Variants in FZR1 observed in about 807,000 individuals in gnomAD.
The protein encoded by FZR1 is fizzy-related protein homolog.
A neutral mutation model predicts 63.6 loss-of-function variants in FZR1; 11 were observed. The ratio of observed to expected loss-of-function variants is 0.17; its 90% CI spans 0.11 to 0.29. The LOEUF is 0.29. Ranked by LOEUF, FZR1 falls within the 10% of genes least tolerant of loss-of-function variation. FZR1 has a pLI of 1.00. For missense variants in FZR1, 440 were observed against 687.5 expected, an observed-to-expected ratio of 0.64 and a Z score of 4.03; for synonymous variants, 328 against 297.9, an observed-to-expected ratio of 1.10 and a Z score of -1.04.
At chr19:3,517,056 ACCG>A (rs2083063563) in intron 1 of FZR1, among the ~76,000 whole-genome samples, 1 of 152,222 alleles carries the variant, frequency 6.6e-6, no homozygotes, top group Non-Finnish European at 1.5e-5. Flanking sequence ...CGCGGTTACC[ACCG>A]CTGCTGCCAG....
At position 3,532,420 on chromosome 19, in the gene FZR1, C is replaced by T. The variant is rs12978340; in HGVS notation, c.1012C>T (p.Leu338=). ...CCTCACAGCCCCTGTCCCCCAGCTG[C>T]TGGTCTGGAATCACTCGAGCCTGAG... ...LASGGNDNKL[L]VWNHSSLSPV... Residue 338 remains leucine, a synonymous_variant, in exon 11 of 14, where the codon CTG becomes TTG. Transcript: ENST00000441788. The T allele has an allele frequency of 6.3e-7, 1 of 1,590,942 alleles. No homozygotes were observed. Among genetic ancestry groups the T allele is most frequent in the Non-Finnish European group, 8.6e-7 (1 of 1,167,484 alleles).
At position 3,526,463 on chromosome 19, in the gene FZR1, C is replaced by G; in HGVS notation, c.387+77C>G. The G allele has an allele frequency of 8.2e-7, 1 of 1,218,188 alleles. No homozygotes were observed. Among genetic ancestry groups the G allele is most frequent in the African/African-American group, 1.5e-5 (1 of 67,030 alleles). The allele number at this position is 1,218,188 out of a possible 1,614,324, so 75.5% of individuals were successfully genotyped here. On this transcript the variant is annotated intron_variant, in intron 5 of 13. Coordinates refer to ENST00000441788, the MANE Select transcript of FZR1 (RefSeq NM_016263.4). The surrounding 1 kb of genome is among the most constrained non-coding windows in gnomAD (Gnocchi z 5.4). ...CGGCCCCCCACCTCCCAGGCACCAG[C>G]TCTGCCTCCCCGAGCCCGGTTCTCG...
rs2030014507 is a variant in FZR1 at position 3,537,320 on chromosome 19, G to A, written c.*2484G>A. On this transcript the variant is annotated 3_prime_UTR_variant, in exon 14 of 14. Coordinates refer to ENST00000441788, the MANE Select transcript of FZR1 (RefSeq NM_016263.4). ...CCTCTGCTGTCAGCTCCACCCGACA[G>A]GCAGACGAAGGCCAGTGGGGCCATC... 6.6e-6 allele frequency: 1 copy of A among 152,298 alleles called. No individual in the cohort carries two copies. The highest frequency in any genetic ancestry group is 2.4e-5 in the African/African-American group (1 of 41,456). The allele number at this position is 152,298 out of a possible 1,614,324, so 9.4% of individuals were successfully genotyped here.
chr19:3,509,180 T>C (rs1486031269), intron 1 of FZR1, among the ~76,000 whole-genome samples: 3 of 152,240 alleles, frequency 2.0e-5, no homozygotes, highest in South Asian at 2.1e-4. Flanking sequence ...GGGCCACTTA[T>C]GTTCTCGTCC....
intron 1 of FZR1, among the ~76,000 whole-genome samples, chr19:3,517,654 C>G (rs570806726): frequency 6.6e-6 from 1 of 151,874 alleles, no homozygotes; most frequent in Admixed American, 6.6e-5. Flanking sequence ...CACCACTGCA[C>G]TCCAGCCTGG....
At chr19:3,518,181 A>G (rs986551349) in intron 1 of FZR1, among the ~76,000 whole-genome samples, 17 of 151,766 alleles carry the variant, frequency 1.1e-4, no homozygotes, top group Non-Finnish European at 4.4e-5. Flanking sequence ...TGCCCAGCTA[A>G]TTTTTATTTT....
rs976927428 is a variant in FZR1, at chr19:3,536,149, G to A, written c.*1313G>A. ...AACATCCTGGTGTCTGTCCCCAGTG[G>A]GGTTGGCGTGCATGTGTACATATGT... is the stretch of plus-strand genomic sequence containing the variant. On this transcript the variant is annotated 3_prime_UTR_variant, in exon 14 of 14. Transcript: ENST00000441788. 1.3e-5 allele frequency: 2 copies of A among 152,284 alleles called. No individual in the cohort carries two copies. The highest frequency in any genetic ancestry group is 4.8e-5 in the African/African-American group (2 of 41,460). The allele number at this position is 152,284 out of a possible 1,614,324, so 9.4% of individuals were successfully genotyped here.
chr19:3,507,094 T>C (rs868062479), intron 1 of FZR1, among the ~76,000 whole-genome samples: 3 of 152,006 alleles, frequency 2.0e-5, no homozygotes, highest in South Asian at 2.1e-4. Flanking sequence ...CAGGCACGGG[T>C]TGAGTGCATG....
rs1324953591 is a variant in FZR1 at position 3,514,368 on chromosome 19, T to C, written c.-35+7894T>C. ...GAGCAGGGTCTCTGCCCTTGCACCC[T>C]GTGGACATTGGGGCCGGATCGTTCT... On this transcript the variant is annotated intron_variant, in intron 1 of 13. Transcript: ENST00000441788. This position sits in a 1 kb window ranked among gnomAD's most constrained non-coding sequence, Gnocchi z 4.2. 1.3e-5 allele frequency among the ~76,000 whole-genome samples: 2 copies of C among 152,180 alleles called. No homozygotes were observed. The highest frequency in any genetic ancestry group is 4.8e-5 in the African/African-American group (2 of 41,460).
chr19:3,531,260 C>T (rs1419969403), intron 8 of FZR1, among the ~76,000 whole-genome samples: 1 of 152,196 alleles, frequency 6.6e-6, no homozygotes, highest in East Asian at 1.9e-4. Context: ...TCACCCAGAG[C>T]TGCCCAGGGC....
rs1396568564 is a variant in FZR1, at chr19:3,537,182, G to C, written c.*2346G>C. The C allele has an allele frequency of 6.6e-6, 1 of 152,482 alleles. No homozygotes were observed. The highest frequency in any genetic ancestry group is 1.9e-4 in the East Asian group (1 of 5,208). 9.4% of individuals were successfully genotyped at this position (152,482 alleles called of 1,614,324 possible). A position where few individuals can be genotyped will look rare whatever the true frequency, so the allele number is the denominator to read the frequency against. ...TGGGCCAGGGCTCGTGTAGAAATGG[G>C]GGAATTGGTTCCCCATGGCCCAGGA... On this transcript the variant is annotated 3_prime_UTR_variant, in exon 14 of 14. Transcript: ENST00000441788.
At chr19:3,530,716 G>A (rs935351390) in intron 7 of FZR1, 76 bp from the exon 8 acceptor site, 12 of 1,057,894 alleles carry the variant, frequency 1.1e-5, no homozygotes, top group Non-Finnish European at 1.7e-5. Flanking sequence ...GTGAGACAGT[G>A]GAGGGATGAA....
In FZR1 at chr19:3,525,444, T is replaced by C. The variant is rs1260027679; in HGVS notation, c.70-424T>C. Among the ~76,000 whole-genome samples the C allele has an allele frequency of 1.0e-4, 14 of 135,872 alleles. No homozygotes were observed. Among genetic ancestry groups the C allele is most frequent in the African/African-American group, 3.9e-4 (14 of 36,088 alleles). 89.1% of individuals were successfully genotyped at this position (135,872 alleles called of 152,430 possible). On this transcript the variant is annotated intron_variant, in intron 2 of 13. Transcript: ENST00000441788. The surrounding 1 kb of genome is among the most constrained non-coding windows in gnomAD (Gnocchi z 4.2). The stretch of plus-strand genomic sequence containing the variant: ...CTCCTTGGGTTTTCTTTTTTTTTTT[T>C]TTTTTTTTTTTTTTTTGAGACGGAG...
chr19:3,530,896 A>C, intron 8 of FZR1, 39 bp downstream of exon 8: 2 of 1,516,362 alleles, frequency 1.3e-6, no homozygotes, highest in Non-Finnish European at 1.8e-6. Flanking sequence ...GGGAGATCTG[A>C]TGGGGCTCTT....
chr19:3,531,942 G>A lies in FZR1; in HGVS notation c.855G>A (p.Ser285=), dbSNP rs370544257. The A allele has an allele frequency of 2.5e-5, 39 of 1,591,692 alleles. No individual in the cohort carries two copies. Among genetic ancestry groups the A allele is most frequent in the South Asian group, 1.6e-4 (14 of 88,412 alleles). Residue 285 remains serine (S), a synonymous_variant, in exon 10 of 14, where the codon TCG becomes TCA. Transcript: ENST00000441788. ...GALAWNAEQL[S]SGSRDRMILQ... The stretch of plus-strand genomic sequence containing the variant: ...TGGCCTGGAATGCTGAGCAGCTGTC[G>A]TCCGGGAGCCGCGACCGCATGATCC...
Position 3,522,980 on chromosome 19 carries a change from C to G in FZR1, c.-10C>G, listed in dbSNP as rs1163938108. ...GGCTAACCTTGCCGCGGGCCGAGCC[C>G]TGCCTCGCCATGGACCAGGACTATG... On this transcript the variant is annotated 5_prime_UTR_variant, in exon 2 of 14. Coordinates refer to ENST00000441788, the MANE Select transcript of FZR1 (RefSeq NM_016263.4). 6.2e-7 allele frequency: 1 copy of G among 1,606,114 alleles called. No homozygotes were observed. Among genetic ancestry groups the G allele is most frequent in the South Asian group, 1.1e-5 (1 of 90,964 alleles).
Position 3,526,000 on chromosome 19 carries a change from G to A in FZR1, c.195+7G>A. On this transcript the variant is annotated splice_region_variant and intron_variant, in intron 3 of 13. Coordinates refer to ENST00000441788, the MANE Select transcript of FZR1 (RefSeq NM_016263.4). The surrounding 1 kb of genome is among the most constrained non-coding windows in gnomAD (Gnocchi z 4.2). ...GAACTTCCACAGGATTAACGTGAGG[G>A]GCTGGCTGGGCAGGAGATGGGACCC... The A allele has an allele frequency of 6.2e-7, 1 of 1,611,680 alleles. No homozygotes were observed.
At position 3,533,180 on chromosome 19, in the gene FZR1, CTGGCTGGCGGCTCTGAGCTCTCACA is replaced by C. The variant is rs2083265158; in HGVS notation, c.1243-110_1243-86del. ...CCCAGCATCCCCTGCTCCTCCTGGG[CTGGCTGGCGGCTCTGAGCTCTCACA>C]TGGGCTCAGGCGGGTGCATGTGAGG... is the stretch of plus-strand genomic sequence containing the variant. On this transcript the variant is annotated intron_variant, in intron 11 of 13. Transcript: ENST00000441788. This position sits in a 1 kb window ranked among gnomAD's most constrained non-coding sequence, Gnocchi z 4.9. The C allele has an allele frequency of 2.8e-6, 2 of 710,680 alleles. No homozygotes were observed. The highest frequency in any genetic ancestry group is 5.1e-6 in the Non-Finnish European group (2 of 394,622). The allele number at this position is 710,680 out of a possible 1,614,324, so 44.0% of individuals were successfully genotyped here.
chr19:3,524,359 G>C (rs923627782), intron 2 of FZR1, among the ~76,000 whole-genome samples: 2 of 152,212 alleles, frequency 1.3e-5, no homozygotes, highest in African/African-American at 4.8e-5. Context: ...GGGGAGGAGC[G>C]GGCATTGGCA....
Sources: allele counts gnomAD v4.1 joint callset (sites outside exome capture counted in the v4.1 genomes callset), GRCh38; gene constraint gnomAD v4.1.1; non-coding constraint Gnocchi (gnomAD v3.1); transcripts MANE v1.5; gene names NCBI Gene and HGNC (gene_info 2026-07-23, HGNC 2026-07-21).